The following UCK1 variants were observed in gnomAD, a reference collection of about 807,000 sequenced individuals.
The protein encoded by UCK1 is cytidine monophosphokinase 1.
A neutral mutation model predicts 34.0 loss-of-function variants in UCK1; 20 were observed. The ratio of observed to expected loss-of-function variants is 0.59; its 90% CI spans 0.41 to 0.86. UCK1 has a LOEUF of 0.86. Ranked by LOEUF, UCK1 falls within the 40% of genes least tolerant of loss-of-function variation. The pLI, the probability that UCK1 is intolerant of heterozygous loss-of-function variation, is 0.00. For missense variants in UCK1, 343 were observed against 383.6 expected (o/e 0.89, Z 0.88); for synonymous variants, 168 against 155.9 (o/e 1.08, Z -0.58).
At position 131,529,053 on chromosome 9, in the gene UCK1, G is replaced by C; in HGVS notation, c.509-15C>G. The C allele has an allele frequency of 6.2e-7, 1 of 1,613,900 alleles. No homozygotes were observed. The highest frequency in any genetic ancestry group is 1.3e-5 in the African/African-American group (1 of 75,062). ...GTCCCGGAGAACTGCAGCGGCAAGGGGCAGGCGTGCTTCAGACCTCAGGAC... is the reference window on the plus strand; with the variant it reads ...GTCCCGGAGAACTGCAGCGGCAAGGCGCAGGCGTGCTTCAGACCTCAGGAC... On this transcript the variant is annotated splice_polypyrimidine_tract_variant and intron_variant, in intron 4 of 6. Transcript: ENST00000372215.
At chr9:131,525,869 C>G (rs1395201033) in intron 6 of UCK1, 60 bp downstream of exon 6, 3 of 1,577,108 alleles carry the variant, frequency 1.9e-6, no homozygotes, top group Middle Eastern at 1.7e-4. Context: ...ACTGGTGGAA[C>G]TGTCCCTGCC....
chr9:131,530,990 GC>G (rs1950822381), intron 1 of UCK1, 76 bp downstream of exon 1: 1 of 1,257,242 alleles, frequency 8.0e-7, no homozygotes, highest in Non-Finnish European at 1.0e-6. Context: ...CTCGGCCGGG[GC>G]TGGGGTCTCC....
intron 3 of UCK1, 77 bp from the exon 4 acceptor site, chr9:131,529,347 C>A: frequency 6.2e-7 from 1 of 1,604,816 alleles, no homozygotes; most frequent in East Asian, 2.2e-5. Context: ...GCTTCCATTG[C>A]AGGGACACTG....
At position 131,531,228 on chromosome 9, in the gene UCK1, C is replaced by T. The variant is rs1392871119; in HGVS notation, c.-54G>A. 2.6e-5 allele frequency: 34 copies of T among 1,319,004 alleles called. No homozygotes were observed. Among genetic ancestry groups the T allele is most frequent in the Admixed American group, 4.1e-5 (1 of 24,164 alleles). 81.7% of individuals were successfully genotyped at this position (1,319,004 alleles called of 1,614,324 possible). On this transcript the variant is annotated 5_prime_UTR_variant, in exon 1 of 7. Coordinates refer to ENST00000372215, the MANE Select transcript of UCK1 (RefSeq NM_031432.5). ...CCCGCGCCCGCCCCTTCCCCAGGCC[C>T]GGCGCGCCCGCCCAGCGCCGAGGTC... is the stretch of plus-strand genomic sequence containing the variant.
intron 2 of UCK1, 74 bp from the exon 3 acceptor site, chr9:131,529,658 T>C (rs1950755122): frequency 2.1e-6 from 3 of 1,407,960 alleles, no homozygotes; most frequent in Middle Eastern, 1.8e-4. Flanking sequence ...CTCTCTGCTC[T>C]GGGGTCAGCA....
intron 2 of UCK1, among the ~76,000 whole-genome samples, chr9:131,530,257 C>T (rs1950780849): frequency 6.6e-6 from 1 of 152,108 alleles, no homozygotes; most frequent in Non-Finnish European, 1.5e-5. Context: ...GTGCAACAGG[C>T]TTCCTGACTG....
In UCK1 at chr9:131,525,095, C is replaced by T. The variant is rs1160713693; in HGVS notation, c.779G>A (p.Gly260Glu). 6.2e-7 allele frequency: 1 copy of T among 1,613,748 alleles called. No individual in the cohort carries two copies. The change falls in exon 7 of 7, where the codon GGG becomes GAG. Residue 260 changes from glycine to glutamate, a missense_variant. Transcript: ENST00000372215. Reference protein sequence around the residue: ...RTFSEPGDHPGMLTSGKRSHL... With the variant: ...RTFSEPGDHPEMLTSGKRSHL... Reference sequence around the variant, plus strand: ...TGACCGTTTGCCAGAGGTCAGCATCCCAGGGTGGTCCCCTGGCTCAGAAAA... The same window carrying T: ...TGACCGTTTGCCAGAGGTCAGCATCTCAGGGTGGTCCCCTGGCTCAGAAAA...
rs569608401 is a variant in UCK1, at chr9:131,524,903, T to C, written c.*137A>G. On this transcript the variant is annotated 3_prime_UTR_variant, in exon 7 of 7. Transcript: ENST00000372215. ...AGTGACACATCTGAGTTTCCACTCC[T>C]GAGTGAGGAAGGCCTCGCTGCTAAC... 29 of 1,047,516 alleles carry C rather than the reference T, an allele frequency of 2.8e-5. No individual in the cohort carries two copies. The East Asian group carries it at 7.6e-4, about 28-fold the overall frequency. The allele number at this position is 1,047,516 out of a possible 1,614,324, so 64.9% of individuals were successfully genotyped here.
At chr9:131,526,403 C>T (rs542092037) in intron 5 of UCK1, 28 of 1,291,382 alleles carry the variant, frequency 2.2e-5, no homozygotes, top group African/African-American at 7.5e-5. Context: ...CAGCCGCCGC[C>T]GTGCATAATT....
chr9:131,531,039 C>T (rs1193991535), intron 1 of UCK1, 28 bp downstream of exon 1: 3 of 1,335,978 alleles, frequency 2.2e-6, no homozygotes, highest in Non-Finnish European at 9.6e-7. Context: ...CGGCGAGAGG[C>T]GAGACCCCGG....
Position 131,531,166 on chromosome 9 carries a change from C to T in UCK1, c.9G>A (p.Ser3=), listed in dbSNP as rs569305261. The T allele has an allele frequency of 2.1e-6, 3 of 1,422,352 alleles. No individual in the cohort carries two copies. Among genetic ancestry groups the T allele is most frequent in the Non-Finnish European group, 2.8e-6 (3 of 1,089,098 alleles). The allele number at this position is 1,422,352 out of a possible 1,614,324, so 88.1% of individuals were successfully genotyped here. ...GGCTCTCGCAGTCTTCGCCTCCCGCCGAAGCCATCTCGGCCTCCGCTCCCG... is the reference window on the plus strand; with the variant it reads ...GGCTCTCGCAGTCTTCGCCTCCCGCTGAAGCCATCTCGGCCTCCGCTCCCG... MA[S]AGGEDCESPA... Residue 3 remains serine, a synonymous_variant, in exon 1 of 7, where the codon TCG becomes TCA. Transcript: ENST00000372215.
chr9:131,530,151 T>A (rs1950775077), intron 2 of UCK1, among the ~76,000 whole-genome samples: 1 of 152,160 alleles, frequency 6.6e-6, no homozygotes, highest in South Asian at 2.1e-4. Context: ...GGCAGAGGTG[T>A]GTGTGGAGGG....
chr9:131,529,919 G>A (rs140159866), intron 2 of UCK1, among the ~76,000 whole-genome samples: 37 of 152,360 alleles, frequency 2.4e-4, no homozygotes, highest in African/African-American at 8.2e-4. Context: ...GGGACTAACT[G>A]GTTAGACTGC....
rs534554830 is a variant in UCK1 at position 131,524,971 on chromosome 9, G to A, written c.*69C>T. ...CGAGAGGAAGCAGTGGGTGTGGGTG[G>A]GCGTCCCCAGGCTCAGTCCCTGAAC... On this transcript the variant is annotated 3_prime_UTR_variant, in exon 7 of 7. Coordinates refer to ENST00000372215, the MANE Select transcript of UCK1 (RefSeq NM_031432.5). 5.8e-6 allele frequency: 9 copies of A among 1,544,832 alleles called. No homozygotes were observed. Among genetic ancestry groups the A allele is most frequent in the South Asian group, 2.4e-5 (2 of 82,380 alleles).
At chr9:131,528,754 G>T (rs1950707833) in intron 5 of UCK1, 190 bp downstream of exon 5, 1 of 675,488 alleles carries the variant, frequency 1.5e-6, no homozygotes, top group Admixed American at 2.9e-5. Context: ...TAGGCAGAGG[G>T]AGGAGCAGGC....
At chr9:131,526,870 C>T (rs534043576) in intron 5 of UCK1, among the ~76,000 whole-genome samples, 4 of 152,172 alleles carry the variant, frequency 2.6e-5, no homozygotes, top group African/African-American at 4.8e-5. Flanking sequence ...GATAGTCTGA[C>T]GGGCTGGAGG....
At chr9:131,529,305 G>GACACAGGGTCTCCAGGCCAC in intron 3 of UCK1, 35 bp from the exon 4 acceptor site, 1 of 1,612,914 alleles carries the variant, frequency 6.2e-7, no homozygotes, top group Non-Finnish European at 8.5e-7. Context: ...CTCTGCTGCA[G>GACACAGGGTCTCCAGGCCAC]ACACAGGGTC....
Position 131,531,133 on chromosome 9 carries a change from C to T in UCK1, c.42G>A (p.Pro14=), listed in dbSNP as rs1215787723. 6.2e-6 allele frequency: 9 copies of T among 1,450,512 alleles called. No homozygotes were observed. Among genetic ancestry groups the T allele is most frequent in the Non-Finnish European group, 8.1e-6 (9 of 1,105,472 alleles). 89.9% of individuals were successfully genotyped at this position (1,450,512 alleles called of 1,614,324 possible). A position where few individuals can be genotyped will look rare whatever the true frequency, so the allele number is the denominator to read the frequency against. Residue 14 remains proline, a synonymous_variant, in exon 1 of 7, where the codon CCG becomes CCA. Transcript: ENST00000372215. ...GCCGCTGGTGCGGACGGTCGGCCTC[C>T]GGCGCGGGGCTCTCGCAGTCTTCGC... The part of the protein sequence containing the change: ...AGGEDCESPA[P]EADRPHQRPF...
chr9:131,530,967 TGGCAGGGGGCCCCTC>T (rs1950820714), intron 1 of UCK1, 85 bp downstream of exon 1: 3 of 1,090,574 alleles, frequency 2.8e-6, no homozygotes, highest in East Asian at 6.9e-5. Context: ...TGCCCCTGCC[TGGCAGGGGGCCCCTC>T]GGCCGGGGCT....
Sources: allele counts gnomAD v4.1 joint callset (sites outside exome capture counted in the v4.1 genomes callset), GRCh38; gene constraint gnomAD v4.1.1; transcripts MANE v1.5; gene names NCBI Gene and HGNC (gene_info 2026-07-23, HGNC 2026-07-21).